Variants in NBEA observed in about 807,000 individuals in gnomAD.
NBEA encodes the protein lysosomal-trafficking regulator 2.
In NBEA, 44 loss-of-function variants were observed where a neutral mutation model predicts 343.4. The observed-to-expected ratio is 0.13, with a 90% CI of 0.10 to 0.16. NBEA has a LOEUF of 0.16. Ranked by LOEUF, NBEA falls within the 10% of genes least tolerant of loss-of-function variation. The pLI is 1.00. For missense variants in NBEA, 2,555 were observed against 3,631.3 expected (o/e 0.70, Z 7.62); for synonymous variants, 1,175 against 1,238.7 (o/e 0.95, Z 1.08).
chr13:35,039,918 G>A (rs2062587741), intron 1 of NBEA, among the ~76,000 whole-genome samples: 1 of 152,024 alleles, frequency 6.6e-6, no homozygotes, highest in Admixed American at 6.6e-5. Context: ...ATAAAGTAAT[G>A]TATGCATACA....
At chr13:35,035,319 A>G (rs1353481964) in intron 1 of NBEA, among the ~76,000 whole-genome samples, 2 of 151,772 alleles carry the variant, frequency 1.3e-5, no homozygotes, top group African/African-American at 4.8e-5. Flanking sequence ...GTATTTGTAT[A>G]GTTTCTGAAA....
chr13:35,082,139 TC>T (rs1441490250), intron 10 of NBEA, among the ~76,000 whole-genome samples: 1 of 152,176 alleles, frequency 6.6e-6, no homozygotes, highest in Non-Finnish European at 1.5e-5. Flanking sequence ...ATTGTTCATT[TC>T]CCACCTATGA....
chr13:34,999,362 G>A (rs1057430640), intron 1 of NBEA, among the ~76,000 whole-genome samples: 1 of 151,918 alleles, frequency 6.6e-6, no homozygotes, highest in African/African-American at 2.4e-5. Flanking sequence ...AAAAAATTTT[G>A]TTTTCTCACA....
chr13:35,032,996 CT>C (rs1306163168), intron 1 of NBEA, among the ~76,000 whole-genome samples: 2 of 151,812 alleles, frequency 1.3e-5, no homozygotes, highest in African/African-American at 4.8e-5. Flanking sequence ...TGCACAGAAG[CT>C]TTTTAACTTA....
intron 6 of NBEA, among the ~76,000 whole-genome samples, chr13:35,053,223 A>G (rs1349602542): frequency 1.3e-5 from 2 of 152,122 alleles, no homozygotes; most frequent in Admixed American, 1.3e-4. Context: ...ATACCACATT[A>G]TGCAAAAAAC....
At chr13:35,506,727 G>T (rs539521297) in intron 41 of NBEA, among the ~76,000 whole-genome samples, 1 of 152,226 alleles carries the variant, frequency 6.6e-6, no homozygotes, top group East Asian at 1.9e-4. Context: ...AACATGATTT[G>T]TCACAAGTCA....
In NBEA at chr13:35,345,244, AT is replaced by A. The variant is rs550763301; in HGVS notation, c.5904-3860del. Among the ~76,000 whole-genome samples, 26 of 152,186 alleles carry A rather than the reference AT, an allele frequency of 1.7e-4. No individual in the cohort carries two copies. In the South Asian group the frequency reaches 2.3e-3, roughly 13 times the overall value. ...CTTAGCAAATTAAGAATAGAAGAGA[AT>A]TTTGAACTATTTTAATTTAAAAAAC... On this transcript the variant is annotated intron_variant, in intron 36 of 58. Transcript: ENST00000379939.
Position 35,034,789 on chromosome 13 carries a change from T to G in NBEA, c.295-6144T>G, listed in dbSNP as rs73491572. On this transcript the variant is annotated intron_variant, in intron 1 of 58. Coordinates refer to ENST00000379939, the MANE Select transcript of NBEA (RefSeq NM_001385012.1). Reference sequence around the variant, plus strand: ...TGTATGTGTGGAGCAATTCATCCATTTCTTCTAGATTTTCCAAATAATTTG... The same window carrying G: ...TGTATGTGTGGAGCAATTCATCCATGTCTTCTAGATTTTCCAAATAATTTG... 7.7e-3 allele frequency among the ~76,000 whole-genome samples: 1,166 copies of G among 152,062 alleles called. 16 individuals carry two copies. The highest frequency in any genetic ancestry group is 0.026 in the African/African-American group (1,098 of 41,526).
chr13:35,162,137 A>G (rs2069608306), intron 23 of NBEA, among the ~76,000 whole-genome samples, 170 bp downstream of exon 23: 1 of 152,096 alleles, frequency 6.6e-6, no homozygotes, highest in Admixed American at 6.6e-5. Context: ...AGTGATAATA[A>G]TATATACTGT....
intron 1 of NBEA, among the ~76,000 whole-genome samples, chr13:34,986,993 G>T (rs957187498): frequency 1.3e-5 from 2 of 150,742 alleles, no homozygotes; most frequent in East Asian, 1.9e-4. Context: ...TTTAACTGGG[G>T]CATTTAGTCC....
chr13:35,507,077 G>C (rs963035260), intron 41 of NBEA, among the ~76,000 whole-genome samples: 18 of 151,992 alleles, frequency 1.2e-4, no homozygotes, highest in Non-Finnish European at 1.9e-4. Flanking sequence ...CTCTGAAAAT[G>C]CTTTTGTTAA....
chr13:35,121,353 C>T (rs2066787347), intron 16 of NBEA, among the ~76,000 whole-genome samples: 1 of 152,100 alleles, frequency 6.6e-6, no homozygotes, highest in Non-Finnish European at 1.5e-5. Flanking sequence ...GCAGTCTGCC[C>T]ACCTTGACCT....
chr13:34,961,877 C>G (rs1266865608), intron 1 of NBEA, among the ~76,000 whole-genome samples: 1 of 151,944 alleles, frequency 6.6e-6, no homozygotes, highest in Non-Finnish European at 1.5e-5. Context: ...GGCCACTAGC[C>G]ACACATGTGG....
intron 1 of NBEA, 32 bp downstream of exon 1, chr13:34,943,146 C>T (rs2059081596): frequency 6.2e-7 from 1 of 1,609,372 alleles, no homozygotes; most frequent in African/African-American, 1.3e-5. Flanking sequence ...AATCTGCTTC[C>T]CCAGTCCCCA....
chr13:34,969,931 C>G lies in NBEA; in HGVS notation c.294+26817C>G, dbSNP rs180823823. ...ATACCCAGTAATGGGATTGCTGGGT[C>G]AAGTGGCATTTCTGTCTTTAGGTCT... On this transcript the variant is annotated intron_variant, in intron 1 of 58. Transcript: ENST00000379939. 8.9e-3 allele frequency among the ~76,000 whole-genome samples: 1,361 copies of G among 152,200 alleles called. 10 individuals carry two copies. Among genetic ancestry groups the G allele is most frequent in the South Asian group, 0.024 (116 of 4,830 alleles).
intron 2 of NBEA, 88 bp from the exon 3 acceptor site, chr13:35,044,852 ATAACAAT>A: frequency 1.5e-6 from 1 of 679,898 alleles, no homozygotes; most frequent in Non-Finnish European, 2.5e-6. Flanking sequence ...AGAGAGAGAG[ATAACAAT>A]GATAACTTTT....
At chr13:35,305,931 T>C (rs1009505651) in intron 35 of NBEA, among the ~76,000 whole-genome samples, 1 of 152,174 alleles carries the variant, frequency 6.6e-6, no homozygotes, top group African/African-American at 2.4e-5. Context: ...GTTCTGAGTA[T>C]TCTATTCTTC....
intron 35 of NBEA, among the ~76,000 whole-genome samples, chr13:35,306,909 T>C (rs2152830135): frequency 6.6e-6 from 1 of 152,202 alleles, no homozygotes; most frequent in Non-Finnish European, 1.5e-5. Flanking sequence ...TTTATACTTC[T>C]TAGGAGACTT....
chr13:35,316,494 T>C (rs1242691786), intron 36 of NBEA, among the ~76,000 whole-genome samples: 1 of 152,228 alleles, frequency 6.6e-6, no homozygotes, highest in Non-Finnish European at 1.5e-5. Flanking sequence ...ACATTTTCTT[T>C]ATACAGTCTA....
Sources: gnomAD v4.1 joint callset for allele counts (sites outside exome capture counted in the v4.1 genomes callset) on GRCh38, gnomAD v4.1.1 for gene constraint, MANE v1.5 for transcripts, NCBI Gene and HGNC (gene_info 2026-07-23, HGNC 2026-07-21) for gene names.